The following DOCK7 variants were observed in gnomAD, a reference collection of about 807,000 sequenced individuals.
DOCK7 encodes dedicator of cytokinesis protein 7.
Under a neutral mutation model 271.0 loss-of-function variants are expected in DOCK7, and 138 were observed. The observed-to-expected ratio is 0.51, with a 90% CI of 0.44 to 0.59. The LOEUF (loss-of-function observed/expected upper bound fraction) is 0.59, where lower values mean the gene tolerates loss of function less well. DOCK7 is among the 20% of genes least tolerant of loss of function. The pLI, the probability that DOCK7 is intolerant of heterozygous loss-of-function variation, is 0.00. For synonymous variants in DOCK7, 823 were observed against 876.1 expected, an observed-to-expected ratio of 0.94 and a Z score of 1.07; for missense variants, 2,066 against 2,592.4, an observed-to-expected ratio of 0.80 and a Z score of 4.41.
intron 1 of DOCK7, among the ~76,000 whole-genome samples, chr1:62,681,693 C>T (rs1316241274): frequency 6.6e-6 from 1 of 151,824 alleles, no homozygotes; most frequent in Non-Finnish European, 1.5e-5. Flanking sequence ...TAGTAAAAAA[C>T]TGGAAACAAT....
intron 22 of DOCK7, among the ~76,000 whole-genome samples, chr1:62,548,506 C>T (rs1056780079): frequency 1.1e-4 from 17 of 151,562 alleles, no homozygotes; most frequent in Admixed American, 2.6e-4. Flanking sequence ...CCACAACCTC[C>T]GCCTCCTGGG....
chr1:62,539,960 T>C (rs1645473655), intron 25 of DOCK7, 68 bp from the exon 26 acceptor site: 1 of 1,069,354 alleles, frequency 9.4e-7, no homozygotes, highest in Non-Finnish European at 1.3e-6. Context: ...CTCTAAACAC[T>C]TGGACTATTT....
intron 18 of DOCK7, among the ~76,000 whole-genome samples, chr1:62,564,786 C>G (rs1413622663): frequency 1.3e-5 from 2 of 151,582 alleles, no homozygotes; most frequent in African/African-American, 4.8e-5. Context: ...AAAAGATCAA[C>G]AAAATAGACC....
chr1:62,662,736 G>C (rs1460260907), intron 2 of DOCK7, among the ~76,000 whole-genome samples: 1 of 152,134 alleles, frequency 6.6e-6, no homozygotes, highest in East Asian at 1.9e-4. Flanking sequence ...ACTCCAGCCT[G>C]GGCGACAGAG....
At position 62,633,465 on chromosome 1, in the gene DOCK7, A is replaced by G. The variant is rs772240601; in HGVS notation, c.1116+33T>C. 4.7e-6 allele frequency: 7 copies of G among 1,480,542 alleles called. No individual in the cohort carries two copies. In the South Asian group the frequency reaches 5.8e-5, roughly 12 times the overall value. The allele number at this position is 1,480,542 out of a possible 1,614,324, so 91.7% of individuals were successfully genotyped here. On this transcript the variant is annotated intron_variant, in intron 10 of 49. Coordinates refer to ENST00000635253, the MANE Select transcript of DOCK7 (RefSeq NM_001367561.1). ...TATTCTCCCAAGTTACAATAGTAAT[A>G]ATGTGGCGGAAATGAGAAGCATAAC... is the stretch of plus-strand genomic sequence containing the variant.
At chr1:62,529,999 C>T (rs752235624) in intron 29 of DOCK7, among the ~76,000 whole-genome samples, 4 of 152,160 alleles carry the variant, frequency 2.6e-5, no homozygotes, top group Non-Finnish European at 4.4e-5. Flanking sequence ...GACTCTCAAT[C>T]CCCCTCAGTT....
At chr1:62,457,392 G>A (rs1645377861) in intron 49 of DOCK7, 146 bp downstream of exon 49, 4 of 753,470 alleles carry the variant, frequency 5.3e-6, no homozygotes, top group South Asian at 2.1e-5. Flanking sequence ...AGTGTAACAC[G>A]AATATTCCAA....
chr1:62,570,882 T>A (rs1009917392), intron 18 of DOCK7, among the ~76,000 whole-genome samples: 29 of 152,142 alleles, frequency 1.9e-4, no homozygotes, highest in Non-Finnish European at 3.8e-4. Flanking sequence ...GACCCCTTCC[T>A]TACACCTTAT....
chr1:62,514,566 T>C (rs1571359095), intron 31 of DOCK7, among the ~76,000 whole-genome samples: 1 of 152,148 alleles, frequency 6.6e-6, no homozygotes, highest in African/African-American at 2.4e-5. Flanking sequence ...ACATTTTACA[T>C]ACATTATTTG....
intron 18 of DOCK7, among the ~76,000 whole-genome samples, chr1:62,572,570 A>G (rs1646817436): frequency 6.6e-6 from 1 of 152,224 alleles, no homozygotes; most frequent in African/African-American, 2.4e-5. Flanking sequence ...TCAAGGTGCC[A>G]GCATGGTCAG....
At chr1:62,488,739 C>CATTT in intron 42 of DOCK7, 195 bp downstream of exon 42, 1 of 702,758 alleles carries the variant, frequency 1.4e-6, no homozygotes, top group South Asian at 1.6e-5. Flanking sequence ...TGATGATCAC[C>CATTT]ATTTACTTTA....
chr1:62,578,992 A>C, intron 16 of DOCK7, 26 bp from the exon 17 acceptor site: 1 of 1,495,882 alleles, frequency 6.7e-7, no homozygotes, highest in Non-Finnish European at 8.9e-7. Flanking sequence ...AAAAAAAATC[A>C]ACAGTCAGTA....
chr1:62,688,164 T>G (rs1010410059), intron 1 of DOCK7, 63 bp downstream of exon 1: 1 of 1,315,242 alleles, frequency 7.6e-7, no homozygotes. Context: ...AGGCCAGGCC[T>G]GGGAGGACTC....
chr1:62,604,230 A>C, intron 14 of DOCK7: 4 of 1,613,164 alleles, frequency 2.5e-6, no homozygotes, highest in Non-Finnish European at 3.4e-6. Context: ...CCAGAGGGTT[A>C]TTCAGGTATC....
chr1:62,578,300 C>T (rs1004470589), intron 17 of DOCK7, among the ~76,000 whole-genome samples: 3 of 152,098 alleles, frequency 2.0e-5, no homozygotes, highest in East Asian at 1.9e-4. Flanking sequence ...AGTGTTTATA[C>T]GTGTTAGTCA....
At chr1:62,589,185 G>A (rs929424445) in intron 14 of DOCK7, among the ~76,000 whole-genome samples, 10 of 152,186 alleles carry the variant, frequency 6.6e-5, no homozygotes, top group African/African-American at 1.9e-4. Flanking sequence ...ATGAGAGGCA[G>A]GAATAAATGC....
At chr1:62,523,721 G>A (rs1298672959) in intron 31 of DOCK7, among the ~76,000 whole-genome samples, 1 of 151,976 alleles carries the variant, frequency 6.6e-6, no homozygotes, top group East Asian at 1.9e-4. Flanking sequence ...CAAAAAATTA[G>A]CCAGGCATGG....
chr1:62,507,590 AT>A (rs987014054), intron 35 of DOCK7, among the ~76,000 whole-genome samples: 50 of 152,354 alleles, frequency 3.3e-4, no homozygotes, highest in African/African-American at 1.2e-3. Context: ...AGCCTGAAAC[AT>A]TGCTGTGGTA....
At chr1:62,685,883 T>C (rs2149787916) in intron 1 of DOCK7, among the ~76,000 whole-genome samples, 1 of 152,338 alleles carries the variant, frequency 6.6e-6, no homozygotes. Flanking sequence ...CTCCTGTCTG[T>C]CCAATAAGTG....
Sources: gnomAD v4.1 joint callset for allele counts (sites outside exome capture counted in the v4.1 genomes callset) on GRCh38, gnomAD v4.1.1 for gene constraint, MANE v1.5 for transcripts, NCBI Gene and HGNC (gene_info 2026-07-23, HGNC 2026-07-21) for gene names.